Variants in CAMK4 observed in about 807,000 individuals in gnomAD.
CAMK4 encodes calcium/calmodulin dependent protein kinase IV.
CAMK4 carries 22 observed loss-of-function variants against 44.9 expected under a neutral mutation model. That is an observed-to-expected ratio of 0.49 (90% CI 0.35 to 0.70). CAMK4 has a LOEUF of 0.70. Ranked by LOEUF, CAMK4 falls within the 30% of genes least tolerant of loss-of-function variation. CAMK4 has a pLI of 0.01. For missense variants in CAMK4, 498 were observed against 586.8 expected, an observed-to-expected ratio of 0.85 and a Z score of 1.56; for synonymous variants, 218 against 215.4, an observed-to-expected ratio of 1.01 and a Z score of -0.11.
chr5:111,372,224 A>G (rs1751036273), intron 2 of CAMK4, among the ~76,000 whole-genome samples: 1 of 152,180 alleles, frequency 6.6e-6, no homozygotes, highest in Admixed American at 6.6e-5. Flanking sequence ...AAGGGAACAA[A>G]TACTAAAAGC....
At chr5:111,340,578 A>C (rs1749598375) in intron 1 of CAMK4, among the ~76,000 whole-genome samples, 1 of 151,280 alleles carries the variant, frequency 6.6e-6, no homozygotes, top group Non-Finnish European at 1.5e-5. Flanking sequence ...GACCATGATG[A>C]ATGAGCCTTT....
intron 1 of CAMK4, among the ~76,000 whole-genome samples, chr5:111,289,270 G>A (rs769224708): frequency 6.6e-6 from 1 of 152,100 alleles, no homozygotes; most frequent in African/African-American, 2.4e-5. Context: ...TGCTTGAACC[G>A]GGGAGGCAGA....
intron 5 of CAMK4, among the ~76,000 whole-genome samples, chr5:111,411,007 T>G (rs1752613236): frequency 6.6e-6 from 1 of 152,216 alleles, no homozygotes; most frequent in Admixed American, 6.5e-5. Context: ...TTTTTTTTGT[T>G]GTGTTCAATG....
At chr5:111,285,173 A>G (rs1384689507) in intron 1 of CAMK4, among the ~76,000 whole-genome samples, 3 of 152,224 alleles carry the variant, frequency 2.0e-5, no homozygotes, top group African/African-American at 7.2e-5. Flanking sequence ...ATGGTACACT[A>G]GAAGGAAAAC....
intron 1 of CAMK4, among the ~76,000 whole-genome samples, chr5:111,307,112 A>G (rs1747959441): frequency 7.6e-5 from 1 of 13,226 alleles, no homozygotes; most frequent in Non-Finnish European, 1.1e-4. Context: ...GATGGATTAA[A>G]GATTTAAACG....
chr5:111,236,290 C>T (rs1009753030), intron 1 of CAMK4, among the ~76,000 whole-genome samples: 1 of 152,240 alleles, frequency 6.6e-6, no homozygotes, highest in African/African-American at 2.4e-5. Context: ...GCTCAACTTC[C>T]AGGCCAGCCT....
intron 7 of CAMK4, among the ~76,000 whole-genome samples, chr5:111,471,380 C>A (rs1409990117): frequency 1.3e-5 from 2 of 152,172 alleles, no homozygotes; most frequent in Non-Finnish European, 2.9e-5. Flanking sequence ...CCACTGTGGG[C>A]TTTGTCTTCA....
chr5:111,239,635 C>A (rs1044297828), intron 1 of CAMK4, among the ~76,000 whole-genome samples: 5 of 152,190 alleles, frequency 3.3e-5, no homozygotes, highest in Non-Finnish European at 1.5e-5. Context: ...GACAAATTTT[C>A]ATTGAGCCTC....
intron 5 of CAMK4, among the ~76,000 whole-genome samples, chr5:111,429,006 A>T (rs2112934336): frequency 6.6e-6 from 1 of 152,356 alleles, no homozygotes; most frequent in African/African-American, 2.4e-5. Flanking sequence ...TTCAGAGGGA[A>T]GTTTATAGCT....
At chr5:111,325,542 A>AT (rs1232647552) in intron 1 of CAMK4, among the ~76,000 whole-genome samples, 1 of 151,770 alleles carries the variant, frequency 6.6e-6, no homozygotes, top group African/African-American at 2.4e-5. Context: ...TATAATTGCC[A>AT]TTTTTCTGAC....
chr5:111,434,512 A>G (rs1753578874), intron 5 of CAMK4, among the ~76,000 whole-genome samples: 1 of 152,208 alleles, frequency 6.6e-6, no homozygotes, highest in Admixed American at 6.5e-5. Context: ...CCCGAAATAG[A>G]TTCTTCTGGT....
intron 1 of CAMK4, among the ~76,000 whole-genome samples, chr5:111,264,065 C>A (rs937371836): frequency 2.0e-5 from 3 of 152,166 alleles, no homozygotes; most frequent in African/African-American, 7.2e-5. Context: ...GTTCTCTCTC[C>A]GTGGACAGTT....
chr5:111,351,591 TA>T (rs984916158), intron 2 of CAMK4, among the ~76,000 whole-genome samples: 35 of 151,544 alleles, frequency 2.3e-4, no homozygotes, highest in Non-Finnish European at 4.3e-4. Flanking sequence ...TTTTTTTTTT[TA>T]GTAGAGATGG....
At chr5:111,268,135 A>G (rs1391851009) in intron 1 of CAMK4, among the ~76,000 whole-genome samples, 1 of 152,136 alleles carries the variant, frequency 6.6e-6, no homozygotes. Context: ...TATTTTTACT[A>G]CTGTAGATCC....
chr5:111,243,244 A>G (rs959335402), intron 1 of CAMK4, among the ~76,000 whole-genome samples: 5 of 152,180 alleles, frequency 3.3e-5, no homozygotes, highest in Admixed American at 2.6e-4. Flanking sequence ...AGGACAGTGG[A>G]TGGAAAATTA....
chr5:111,438,401 G>A (rs1199783980), intron 5 of CAMK4, among the ~76,000 whole-genome samples: 1 of 152,122 alleles, frequency 6.6e-6, no homozygotes, highest in Non-Finnish European at 1.5e-5. Context: ...CCAGCTAAAT[G>A]TACCCTGTAT....
chr5:111,305,025 A>G (rs1430091000), intron 1 of CAMK4, among the ~76,000 whole-genome samples: 4 of 67,950 alleles, frequency 5.9e-5, no homozygotes, highest in African/African-American at 2.4e-4. Context: ...GAAGGCAGAA[A>G]TAAAGATGTT....
At chr5:111,239,971 T>C (rs1748911501) in intron 1 of CAMK4, among the ~76,000 whole-genome samples, 1 of 152,220 alleles carries the variant, frequency 6.6e-6, no homozygotes, top group African/African-American at 2.4e-5. Flanking sequence ...TTGACTACTG[T>C]TTTTTGATAT....
intron 7 of CAMK4, among the ~76,000 whole-genome samples, chr5:111,462,887 A>G (rs950767740): frequency 4.6e-5 from 7 of 152,240 alleles, no homozygotes; most frequent in Non-Finnish European, 1.0e-4. Flanking sequence ...AAATGTTTCA[A>G]TGGTGCCATC....
Sources: allele counts gnomAD v4.1 joint callset (sites outside exome capture counted in the v4.1 genomes callset), GRCh38; gene constraint gnomAD v4.1.1; transcripts MANE v1.5; gene names NCBI Gene and HGNC (gene_info 2026-07-23, HGNC 2026-07-21).